TRIP4: variants seen among roughly 807,000 people sequenced by gnomAD.
TRIP4 encodes the protein thyroid hormone receptor interactor 4.
TRIP4 carries 54 observed loss-of-function variants against 81.8 expected under a neutral mutation model. The observed-to-expected ratio is 0.66, with a 90% CI of 0.53 to 0.83. The LOEUF is 0.83. TRIP4 is among the 40% of genes least tolerant of loss of function. The probability of loss-of-function intolerance (pLI) is 0.00; values close to 1 mark genes in which losing one functional copy is unlikely to be tolerated. For missense variants in TRIP4, 662 were observed against 683.6 expected, an observed-to-expected ratio of 0.97 and a Z score of 0.35; for synonymous variants, 270 against 242.8, an observed-to-expected ratio of 1.11 and a Z score of -1.04.
Position 64,393,958 on chromosome 15 carries a change from A to G in TRIP4, c.114A>G (p.Ser38=), listed in dbSNP as rs1327475143. 21 of 1,586,774 alleles carry G rather than the reference A, an allele frequency of 1.3e-5. No individual in the cohort carries two copies. The highest frequency in any genetic ancestry group is 2.7e-5 in the African/African-American group (2 of 73,522). ...VSEEIIQYVL[S]IESAEEIREY... ...TTTGCCTCCTGAGGTACGTTTTGTC[A>G]ATTGAGAGTGCTGAAGAGATACGAG... Residue 38 remains serine (S), a synonymous_variant, in exon 2 of 13, where the codon TCA becomes TCG. Transcript: ENST00000261884.
chr15:64,433,919 T>G (rs1892333604), intron 11 of TRIP4, among the ~76,000 whole-genome samples: 1 of 4,626 alleles, frequency 2.2e-4, no homozygotes, highest in South Asian at 1.6e-3. Context: ...TGTGTGTGAT[T>G]TTTTTTTTTA....
rs565817863 is a variant in TRIP4, at chr15:64,406,548, T to C, written c.827+89T>C. 147 of 1,480,498 alleles carry C rather than the reference T, an allele frequency of 9.9e-5. No homozygotes were observed. In the Admixed American group the frequency reaches 3.1e-3, roughly 31 times the overall value. The allele number at this position is 1,480,498 out of a possible 1,614,324, so 91.7% of individuals were successfully genotyped here. ...TTTGGTACTTGATACCTTCTCAAAG[T>C]GGAGTGTGAAAGAGTTTATAGCAAA... On this transcript the variant is annotated intron_variant, in intron 6 of 12. Transcript: ENST00000261884.
In TRIP4 at chr15:64,424,312, C is replaced by T. The variant is rs138632509; in HGVS notation, c.1483+157C>T. 27 of 986,446 alleles carry T rather than the reference C, an allele frequency of 2.7e-5. No individual in the cohort carries two copies. The East Asian group carries it at 6.0e-4, about 22-fold the overall frequency. 61.1% of individuals were successfully genotyped at this position (986,446 alleles called of 1,614,324 possible). ...TTGTTTAGTGGTAAATCATTGACAG[C>T]GTTCAAAGCATTAATCTGTCAAAAC... On this transcript the variant is annotated intron_variant, in intron 10 of 12. Coordinates refer to ENST00000261884, the MANE Select transcript of TRIP4 (RefSeq NM_016213.5).
chr15:64,438,350 G>A (rs565947770), intron 11 of TRIP4, among the ~76,000 whole-genome samples: 9 of 152,106 alleles, frequency 5.9e-5, no homozygotes, highest in East Asian at 3.9e-4. Flanking sequence ...TTTGAGTTTC[G>A]CTCTTGTTGC....
chr15:64,418,160 G>A (rs1400954333), intron 8 of TRIP4, among the ~76,000 whole-genome samples: 1 of 152,116 alleles, frequency 6.6e-6, no homozygotes, highest in Non-Finnish European at 1.5e-5. Context: ...TGCCCAGGCT[G>A]GAGTGCAGTG....
At chr15:64,426,891 T>C (rs1596352875) in intron 11 of TRIP4, among the ~76,000 whole-genome samples, 1 of 151,130 alleles carries the variant, frequency 6.6e-6, no homozygotes, top group African/African-American at 2.4e-5. Flanking sequence ...TCCCAACTAT[T>C]CGGGAGGCTG....
intron 3 of TRIP4, 117 bp from the exon 4 acceptor site, chr15:64,397,489 T>C: frequency 1.0e-6 from 1 of 985,230 alleles, no homozygotes; most frequent in Non-Finnish European, 1.5e-6. Context: ...CACTGCCTTC[T>C]TTCTTGGTTC....
At chr15:64,448,028 T>A (rs1892672434) in intron 12 of TRIP4, among the ~76,000 whole-genome samples, 1 of 152,140 alleles carries the variant, frequency 6.6e-6, no homozygotes, top group African/African-American at 2.4e-5. Flanking sequence ...CCTTTTACCC[T>A]CCCTCTGTTT....
intron 9 of TRIP4, among the ~76,000 whole-genome samples, chr15:64,423,250 C>G (rs1164297231): frequency 6.6e-6 from 1 of 152,006 alleles, no homozygotes; most frequent in Non-Finnish European, 1.5e-5. Flanking sequence ...GGGCAGATCA[C>G]AAGGTCAAGA....
At chr15:64,431,847 A>ATATATATATATATTTTTTTTT in intron 11 of TRIP4, among the ~76,000 whole-genome samples, 25 of 119,548 alleles carry the variant, frequency 2.1e-4, no homozygotes, top group African/African-American at 8.1e-4. Context: ...ATATATATAT[A>ATATATATATATATTTTTTTTT]TTTTTTTTAT....
intron 10 of TRIP4, 147 bp from the exon 11 acceptor site, chr15:64,425,393 G>T: frequency 1.4e-6 from 1 of 715,520 alleles, no homozygotes; most frequent in Non-Finnish European, 2.3e-6. Flanking sequence ...AAACAGTTGT[G>T]CCAAGTAAAT....
rs1489115591 is a variant in TRIP4 at position 64,409,771 on chromosome 15, A to G, written c.986A>G (p.Asp329Gly). 1.2e-6 allele frequency: 2 copies of G among 1,614,186 alleles called. No homozygotes were observed. Among genetic ancestry groups the G allele is most frequent in the East Asian group, 2.2e-5 (1 of 44,886 alleles). The change falls in exon 7 of 13, where the codon GAC becomes GGC. Residue 329 changes from aspartate to glycine, a missense_variant. Physicochemically the swap from Asp to Gly is moderately conservative, Grantham distance 94 (BLOSUM62 -1). Transcript: ENST00000261884. ...CGACTTTCTAAGAAGGTCACCATTGACTTTGCAGGAAGGAAGATCCTGGAA... is the reference window on the plus strand; with the variant it reads ...CGACTTTCTAAGAAGGTCACCATTGGCTTTGCAGGAAGGAAGATCCTGGAA... ...ASRLSKKVTI[D>G]FAGRKILEEE...
intron 1 of TRIP4, among the ~76,000 whole-genome samples, chr15:64,388,410 G>A (rs146481901): frequency 6.6e-6 from 1 of 152,262 alleles, no homozygotes; most frequent in East Asian, 1.9e-4. Context: ...GGGTTCAGGT[G>A]ATTCACCTGC....
chr15:64,408,075 TG>T (rs1380367124), intron 6 of TRIP4, among the ~76,000 whole-genome samples: 2 of 149,462 alleles, frequency 1.3e-5, no homozygotes, highest in African/African-American at 5.0e-5. Context: ...CCAGCCTGGG[TG>T]TCACAGCGAG....
Position 64,393,986 on chromosome 15 carries a change from T to TATGTTACTG in TRIP4, c.145_153dup (p.Val49_Asp51dup). 6.2e-7 allele frequency: 1 copy of TATGTTACTG among 1,608,482 alleles called. No individual in the cohort carries two copies. Among genetic ancestry groups the TATGTTACTG allele is most frequent in the South Asian group, 1.1e-5 (1 of 89,866 alleles). Reference sequence around the variant, plus strand: ...TGAGAGTGCTGAAGAGATACGAGAATATGTTACTGATCTCCTCCAGGGAAA... The same window carrying TATGTTACTG: ...TGAGAGTGCTGAAGAGATACGAGAATATGTTACTGATGTTACTGATCTCCTCCAGGGAAA... On this transcript the variant is annotated inframe_insertion, in exon 2 of 13. Transcript: ENST00000261884.
chr15:64,418,440 C>G, intron 8 of TRIP4, 101 bp from the exon 9 acceptor site: 2 of 1,266,350 alleles, frequency 1.6e-6, no homozygotes, highest in Middle Eastern at 2.8e-4. Context: ...GAAAAATGTT[C>G]CCAATATGAT....
intron 12 of TRIP4, among the ~76,000 whole-genome samples, chr15:64,448,247 G>C (rs1892676422): frequency 6.6e-6 from 1 of 152,102 alleles, no homozygotes; most frequent in African/African-American, 2.4e-5. Context: ...AAAATGTTCT[G>C]TGTAGAGTTT....
chr15:64,395,492 C>T lies in TRIP4; in HGVS notation c.366C>T (p.Asp122=), dbSNP rs1286206713. The T allele has an allele frequency of 1.2e-6, 2 of 1,613,748 alleles. No homozygotes were observed. The highest frequency in any genetic ancestry group is 1.7e-6 in the Non-Finnish European group (2 of 1,179,890). ...AAGTTCCTGCATTTACTGAACCTGA[C>T]ACGACTGCAGAGGTTAAAACACCTT... ...RQEVPAFTEP[D]TTAEVKTPFD... The change falls in exon 3 of 13, where the codon GAC becomes GAT. Residue 122 remains aspartate (D), a synonymous_variant. Coordinates refer to ENST00000261884, the MANE Select transcript of TRIP4 (RefSeq NM_016213.5).
intron 7 of TRIP4, among the ~76,000 whole-genome samples, chr15:64,411,599 C>T (rs972247963): frequency 2.6e-5 from 4 of 151,514 alleles, no homozygotes; most frequent in African/African-American, 4.8e-5. Flanking sequence ...TATTGAGACC[C>T]CACCTTAAAA....
Sources: gnomAD v4.1 joint callset for allele counts (sites outside exome capture counted in the v4.1 genomes callset) on GRCh38, gnomAD v4.1.1 for gene constraint, MANE v1.5 for transcripts, NCBI Gene and HGNC (gene_info 2026-07-23, HGNC 2026-07-21) for gene names.